The following BMP6 variants were observed in gnomAD, a reference collection of about 807,000 sequenced individuals.
BMP6 encodes VG-1-R.
Under a neutral mutation model 54.1 loss-of-function variants are expected in BMP6, and 17 were observed. The observed-to-expected ratio is 0.31, with a 90% CI of 0.22 to 0.47. The LOEUF is 0.47. BMP6 is among the 20% of genes least tolerant of loss of function. BMP6 has a pLI of 1.00. For synonymous variants in BMP6, 328 were observed against 291.2 expected (o/e 1.13, Z -1.28); for missense variants, 720 against 690.4 (o/e 1.04, Z -0.48).
rs1355652708 is a variant in BMP6 at position 7,727,034 on chromosome 6, C to T, written c.79C>T (p.Leu27=). The T allele has an allele frequency of 4.4e-6, 5 of 1,127,696 alleles. No homozygotes were observed. The highest frequency in any genetic ancestry group is 5.4e-6 in the Non-Finnish European group (5 of 923,152). The allele number at this position is 1,127,696 out of a possible 1,614,324, so 69.9% of individuals were successfully genotyped here. ...GTGCAGCTGCTGCGGGCCCCCGCCG[C>T]TGCGGCCGCCCTTGCCCGCTGCCGC... The part of the protein sequence containing the change: ...LLCSCCGPPP[L]RPPLPAAAAA... The change falls in exon 1 of 7, where the codon CTG becomes TTG. Residue 27 remains leucine (L), a synonymous_variant. Transcript: ENST00000283147.
intron 1 of BMP6, among the ~76,000 whole-genome samples, chr6:7,733,831 G>C (rs554689165): frequency 1.3e-5 from 2 of 152,262 alleles, no homozygotes; most frequent in Admixed American, 1.3e-4. Flanking sequence ...ATATATGAAA[G>C]TGGTGATAGT....
intron 1 of BMP6, among the ~76,000 whole-genome samples, chr6:7,829,396 G>A (rs1758753647): frequency 6.6e-6 from 1 of 152,064 alleles, no homozygotes; most frequent in South Asian, 2.1e-4. Flanking sequence ...ATCCTGATAA[G>A]TAAGGCTCTT....
chr6:7,813,458 C>CAAAAAAAA (rs58314970), intron 1 of BMP6, among the ~76,000 whole-genome samples: 3 of 64,360 alleles, frequency 4.7e-5, no homozygotes, highest in African/African-American at 6.4e-5. Flanking sequence ...CCTGTCTCTA[C>CAAAAAAAA]AAAAAAAAAA....
At chr6:7,790,342 C>T (rs1263485191) in intron 1 of BMP6, among the ~76,000 whole-genome samples, 2 of 146,050 alleles carry the variant, frequency 1.4e-5, no homozygotes, top group East Asian at 4.0e-4. Context: ...TGGTGAAACT[C>T]CATCTCTACC....
rs747541472 is a variant in BMP6 at position 7,727,255 on chromosome 6, A to G, written c.300A>G (p.Gln100=). 11 of 1,606,068 alleles carry G rather than the reference A, an allele frequency of 6.8e-6. No homozygotes were observed. The highest frequency in any genetic ancestry group is 1.1e-5 in the South Asian group (1 of 90,484). Residue 100 remains glutamine (Q), a synonymous_variant, in exon 1 of 7, where the codon CAA becomes CAG. Transcript: ENST00000283147. Reference sequence around the variant, plus strand: ...GGCCCCGGCCCCTGCACGGCCTCCAACAGCCGCAGCCCCCGGCGCTCCGGC... The same window carrying G: ...GGCCCCGGCCCCTGCACGGCCTCCAGCAGCCGCAGCCCCCGGCGCTCCGGC... ...PHRPRPLHGL[Q]QPQPPALRQQ...
chr6:7,846,253 A>G (rs944473330), intron 2 of BMP6, among the ~76,000 whole-genome samples: 3 of 152,200 alleles, frequency 2.0e-5, no homozygotes, highest in Non-Finnish European at 4.4e-5. Context: ...CAGACTCCGT[A>G]AGGGATTTGT....
chr6:7,873,443 A>T (rs1375594355), intron 4 of BMP6, among the ~76,000 whole-genome samples: 1 of 152,156 alleles, frequency 6.6e-6, no homozygotes, highest in Non-Finnish European at 1.5e-5. Context: ...TTTTGGGTGC[A>T]CCGTCCTCTT....
chr6:7,779,147 C>T (rs927501726), intron 1 of BMP6, among the ~76,000 whole-genome samples: 19 of 152,292 alleles, frequency 1.2e-4, no homozygotes, highest in Middle Eastern at 3.4e-3. Flanking sequence ...CATTCTTGCC[C>T]TGTGGCCCAG....
intron 1 of BMP6, among the ~76,000 whole-genome samples, chr6:7,828,164 G>A (rs185584238): frequency 6.6e-6 from 1 of 152,328 alleles, no homozygotes; most frequent in Admixed American, 6.5e-5. Flanking sequence ...TGCCTATTCA[G>A]ATAGACATTT....
chr6:7,747,634 G>C (rs1757366359), intron 1 of BMP6, among the ~76,000 whole-genome samples: 1 of 152,106 alleles, frequency 6.6e-6, no homozygotes, highest in Non-Finnish European at 1.5e-5. Context: ...TTCAGCACAG[G>C]GAGACCCCTG....
intron 2 of BMP6, among the ~76,000 whole-genome samples, chr6:7,851,235 G>A (rs1759137052): frequency 6.6e-6 from 1 of 152,168 alleles, no homozygotes; most frequent in Admixed American, 6.5e-5. Context: ...CGATAATGAG[G>A]ATTTCAGTTC....
chr6:7,794,115 G>GC (rs1054308145), intron 1 of BMP6, among the ~76,000 whole-genome samples: 2 of 152,154 alleles, frequency 1.3e-5, no homozygotes, highest in African/African-American at 2.4e-5. Context: ...GCTCCTTATG[G>GC]CCCCTTGACT....
rs1283607064 is a variant in BMP6, at chr6:7,862,638, C to A, written c.1204+140C>A. On this transcript the variant is annotated intron_variant, in intron 4 of 6. Transcript: ENST00000283147. The stretch of plus-strand genomic sequence containing the variant: ...AATAGGTGTCATATGCATGATGGTA[C>A]CTTGTACAGTCGCAGAACATCTGCG... 2.0e-5 allele frequency: 23 copies of A among 1,122,078 alleles called. No homozygotes were observed. The East Asian group carries it at 5.4e-4, about 26-fold the overall frequency. The allele number at this position is 1,122,078 out of a possible 1,614,324, so 69.5% of individuals were successfully genotyped here. A position where few individuals can be genotyped will look rare whatever the true frequency, so the allele number is the denominator to read the frequency against.
intron 1 of BMP6, among the ~76,000 whole-genome samples, chr6:7,787,649 C>G (rs538835233): frequency 6.6e-5 from 10 of 152,212 alleles, no homozygotes; most frequent in Non-Finnish European, 1.3e-4. Context: ...CGTGGCTGCT[C>G]TGTCTGAAAC....
intron 1 of BMP6, among the ~76,000 whole-genome samples, chr6:7,805,923 C>T (rs1236818115): frequency 2.0e-5 from 3 of 152,126 alleles, no homozygotes; most frequent in Non-Finnish European, 4.4e-5. Flanking sequence ...CTGTTTATCT[C>T]GGGTTGGAAT....
In BMP6 at chr6:7,862,506, T is replaced by C. The variant is rs1759351737; in HGVS notation, c.1204+8T>C. 1 of 1,613,584 alleles carries C rather than the reference T, an allele frequency of 6.2e-7. No homozygotes were observed. The highest frequency in any genetic ancestry group is 1.3e-5 in the African/African-American group (1 of 75,056). On this transcript the variant is annotated splice_region_variant and intron_variant, in intron 4 of 6. Transcript: ENST00000283147. Reference sequence around the variant, plus strand: ...GGGTCTCCAGTGCTTCAGGTGGGTTTGTGGGGAGCCTGTGTTTCCAGAAAG... The same window carrying C: ...GGGTCTCCAGTGCTTCAGGTGGGTTCGTGGGGAGCCTGTGTTTCCAGAAAG...
chr6:7,805,082 T>C (rs1758328908), intron 1 of BMP6, among the ~76,000 whole-genome samples: 1 of 152,236 alleles, frequency 6.6e-6, no homozygotes, highest in South Asian at 2.1e-4. Flanking sequence ...TATATAATAC[T>C]GTCATTGATG....
chr6:7,841,232 T>C (rs1351226194), intron 1 of BMP6, among the ~76,000 whole-genome samples: 1 of 152,214 alleles, frequency 6.6e-6, no homozygotes, highest in Admixed American at 6.5e-5. Flanking sequence ...GTTTGACATG[T>C]CACCAACACT....
rs138261089 is a variant in BMP6, at chr6:7,730,769, T to A, written c.664+3150T>A. ...TTACAGATTTCCTAATTGCTGTCAATGCCATGTTAACTGCCACATTACCTG... is the reference window on the plus strand; with the variant it reads ...TTACAGATTTCCTAATTGCTGTCAAAGCCATGTTAACTGCCACATTACCTG... On this transcript the variant is annotated intron_variant, in intron 1 of 6. Transcript: ENST00000283147. Among the ~76,000 whole-genome samples the A allele has an allele frequency of 3.7e-3, 561 of 152,358 alleles. 2 individuals are homozygous for A. Among genetic ancestry groups the A allele is most frequent in the African/African-American group, 0.013 (529 of 41,586 alleles).
Sources: allele counts gnomAD v4.1 joint callset (sites outside exome capture counted in the v4.1 genomes callset), GRCh38; gene constraint gnomAD v4.1.1; transcripts MANE v1.5; gene names NCBI Gene and HGNC (gene_info 2026-07-23, HGNC 2026-07-21).